BICD1: variants seen among roughly 807,000 people sequenced by gnomAD.
The protein encoded by BICD1 is protein bicaudal D homolog 1.
Under a neutral mutation model 92.5 loss-of-function variants are expected in BICD1, and 35 were observed. The ratio of observed to expected loss-of-function variants is 0.38; its 90% CI spans 0.29 to 0.50. The LOEUF is 0.50. BICD1 is among the 20% of genes least tolerant of loss of function. BICD1 has a pLI of 0.93. For missense variants in BICD1, 950 were observed against 1,189.8 expected, an observed-to-expected ratio of 0.80 and a Z score of 2.97; for synonymous variants, 429 against 465.1, an observed-to-expected ratio of 0.92 and a Z score of 1.00.
At chr12:32,331,259 T>C (rs1422370548) in intron 5 of BICD1, among the ~76,000 whole-genome samples, 1 of 152,146 alleles carries the variant, frequency 6.6e-6, no homozygotes, top group Non-Finnish European at 1.5e-5. Context: ...AGGCAGTAAG[T>C]AGGGATGCAA....
chr12:32,378,488 T>C lies in BICD1; in HGVS notation c.*861T>C, dbSNP rs1444761523. 3 of 152,188 alleles carry C rather than the reference T, an allele frequency of 2.0e-5. No homozygotes were observed. Among genetic ancestry groups the C allele is most frequent in the Non-Finnish European group, 4.4e-5 (3 of 68,034 alleles). The allele number at this position is 152,188 out of a possible 1,614,324, so 9.4% of individuals were successfully genotyped here. A position where few individuals can be genotyped will look rare whatever the true frequency, so the allele number is the denominator to read the frequency against. ...GGTGCTGCTCCTTTGTATGTGTGTA[T>C]GTGTGTGATAACGTTAAAGAAGGCT... On this transcript the variant is annotated 3_prime_UTR_variant, in exon 10 of 10. Transcript: ENST00000652176.
chr12:32,354,661 G>A (rs758933683), intron 8 of BICD1, among the ~76,000 whole-genome samples: 11 of 152,154 alleles, frequency 7.2e-5, no homozygotes, highest in African/African-American at 1.9e-4. Flanking sequence ...GATGTAATAC[G>A]TTTGGTGAAA....
intron 1 of BICD1, among the ~76,000 whole-genome samples, chr12:32,161,046 A>G (rs1199384091): frequency 1.3e-5 from 2 of 152,202 alleles, no homozygotes. Context: ...ACACACTAAT[A>G]TCTAATATTG....
intron 1 of BICD1, among the ~76,000 whole-genome samples, chr12:32,213,602 G>A (rs1413777575): frequency 1.3e-5 from 2 of 152,120 alleles, no homozygotes; most frequent in Non-Finnish European, 1.5e-5. Flanking sequence ...TGCCATGTTG[G>A]CCAGGCTGGT....
intron 1 of BICD1, among the ~76,000 whole-genome samples, chr12:32,195,878 G>A (rs958801174): frequency 6.6e-6 from 1 of 152,200 alleles, no homozygotes; most frequent in East Asian, 1.9e-4. Flanking sequence ...CAAGCCATAT[G>A]TTTGATAAGG....
intron 2 of BICD1, among the ~76,000 whole-genome samples, chr12:32,225,621 G>GTTTTGTTTTTTT (rs1555150864): frequency 2.2e-5 from 2 of 92,776 alleles, no homozygotes; most frequent in Non-Finnish European, 4.3e-5. Flanking sequence ...CTTTTTTTCT[G>GTTTTGTTTTTTT]TTTTTTTTTT....
At chr12:32,194,081 C>A (rs1944651334) in intron 1 of BICD1, among the ~76,000 whole-genome samples, 4 of 152,156 alleles carry the variant, frequency 2.6e-5, no homozygotes, top group Admixed American at 2.6e-4. Context: ...ACCACATTAA[C>A]AGGATGAGGG....
At chr12:32,322,186 T>TATAG (rs765340934) in intron 4 of BICD1, among the ~76,000 whole-genome samples, 2 of 151,944 alleles carry the variant, frequency 1.3e-5, no homozygotes, top group Non-Finnish European at 2.9e-5. Context: ...GAGAAATATA[T>TATAG]ATAGATAGAT....
chr12:32,346,953 C>CT (rs546760175), intron 8 of BICD1, among the ~76,000 whole-genome samples: 65,045 of 136,364 alleles, frequency 0.48, 15,274 homozygotes, highest in Middle Eastern at 0.53. Context: ...CTTTTCTTTT[C>CT]TTTTTTTTTT....
chr12:32,191,729 T>A (rs1442777505), intron 1 of BICD1, among the ~76,000 whole-genome samples: 1 of 150,214 alleles, frequency 6.7e-6, no homozygotes, highest in Non-Finnish European at 1.5e-5. Flanking sequence ...CAATGCTGAT[T>A]GTGATCAGTG....
At chr12:32,361,119 A>T (rs1397975919) in intron 8 of BICD1, among the ~76,000 whole-genome samples, 1 of 152,254 alleles carries the variant, frequency 6.6e-6, no homozygotes, top group Non-Finnish European at 1.5e-5. Context: ...AAGACAAGAC[A>T]GTGCCACTGT....
chr12:32,226,536 G>A (rs1945701216), intron 2 of BICD1, among the ~76,000 whole-genome samples: 1 of 152,184 alleles, frequency 6.6e-6, no homozygotes, highest in African/African-American at 2.4e-5. Flanking sequence ...GGGAAAAAAT[G>A]AGAGCAAATT....
At chr12:32,284,607 C>A (rs1316004073) in intron 2 of BICD1, among the ~76,000 whole-genome samples, 1 of 152,174 alleles carries the variant, frequency 6.6e-6, no homozygotes, top group African/African-American at 2.4e-5. Context: ...TTGCTAAAGT[C>A]CACCCTCGCA....
rs560240515 is a variant in BICD1 at position 32,355,632 on chromosome 12, T to C, written c.2765-12038T>C. Among the ~76,000 whole-genome samples the C allele has an allele frequency of 2.0e-5, 3 of 152,054 alleles. No homozygotes were observed. In the East Asian group the frequency reaches 5.8e-4, roughly 29 times the overall value. On this transcript the variant is annotated intron_variant, in intron 8 of 9. Transcript: ENST00000652176. ...GCCTGGGCAACACGGTGAAACTCTG[T>C]CTCTACTAAAAATACAAAAATTAGC...
intron 1 of BICD1, among the ~76,000 whole-genome samples, chr12:32,166,989 A>G (rs977580740): frequency 6.6e-6 from 1 of 152,172 alleles, no homozygotes; most frequent in East Asian, 1.9e-4. Flanking sequence ...TACACACACA[A>G]TGTTTGCATT....
At chr12:32,355,819 A>AT (rs1939074054) in intron 8 of BICD1, among the ~76,000 whole-genome samples, 1 of 151,954 alleles carries the variant, frequency 6.6e-6, no homozygotes. Context: ...AAAAAAAAAA[A>AT]GAAATGCCGA....
At chr12:32,357,671 T>C (rs927843662) in intron 8 of BICD1, among the ~76,000 whole-genome samples, 2 of 152,182 alleles carry the variant, frequency 1.3e-5, no homozygotes, top group African/African-American at 4.8e-5. Flanking sequence ...TCCTGAGGTC[T>C]CCGTCCTTGG....
chr12:32,276,882 T>G (rs1947288540), intron 2 of BICD1, among the ~76,000 whole-genome samples: 1 of 152,220 alleles, frequency 6.6e-6, no homozygotes, highest in Admixed American at 6.5e-5. Context: ...GTAGTGAGCA[T>G]AGTAAGCAAT....
At chr12:32,254,257 A>G (rs1946658717) in intron 2 of BICD1, among the ~76,000 whole-genome samples, 2 of 147,582 alleles carry the variant, frequency 1.4e-5, no homozygotes, top group South Asian at 4.3e-4. Flanking sequence ...CACTTGCCAT[A>G]TTCACTGCCG....
Sources: allele counts gnomAD v4.1 joint callset (sites outside exome capture counted in the v4.1 genomes callset), GRCh38; gene constraint gnomAD v4.1.1; transcripts MANE v1.5; gene names NCBI Gene and HGNC (gene_info 2026-07-23, HGNC 2026-07-21).